Variants in ERC1 observed in about 807,000 individuals in gnomAD.
ERC1 encodes the protein ELKS/RAB6-interacting/CAST family member 1.
A neutral mutation model predicts 132.0 loss-of-function variants in ERC1; 56 were observed. The observed-to-expected ratio is 0.42, with a 90% CI of 0.34 to 0.53. ERC1 has a LOEUF of 0.53. ERC1 is among the 20% of genes least tolerant of loss of function. The probability of loss-of-function intolerance (pLI) is 0.03; values close to 1 mark genes in which losing one functional copy is unlikely to be tolerated. For synonymous variants in ERC1, 478 were observed against 476.1 expected (o/e 1.00, Z -0.05); for missense variants, 1,202 against 1,349.9 (o/e 0.89, Z 1.72).
chr12:1,368,388 CT>C (rs2086863058), intron 15 of ERC1, among the ~76,000 whole-genome samples: 1 of 152,036 alleles, frequency 6.6e-6, no homozygotes, highest in East Asian at 1.9e-4. Flanking sequence ...TCAGAAAATA[CT>C]TTTTTTCAAA....
intron 7 of ERC1, among the ~76,000 whole-genome samples, chr12:1,129,225 T>G (rs2154237537): frequency 6.6e-6 from 1 of 152,192 alleles, no homozygotes; most frequent in East Asian, 1.9e-4. Context: ...ACGCCTGTAA[T>G]CCTAGTGGAG....
intron 3 of ERC1, among the ~76,000 whole-genome samples, chr12:1,096,572 A>G (rs1944068231): frequency 6.6e-6 from 1 of 152,210 alleles, no homozygotes; most frequent in Non-Finnish European, 1.5e-5. Flanking sequence ...TTCAACATGG[A>G]CAAACTAGGC....
chr12:1,191,188 G>A (rs1169181724), intron 12 of ERC1, among the ~76,000 whole-genome samples: 1 of 152,006 alleles, frequency 6.6e-6, no homozygotes, highest in African/African-American at 2.4e-5. Flanking sequence ...TTCTGAATAA[G>A]ATATATGGAT....
chr12:1,159,572 T>A (rs1188410090), intron 8 of ERC1, among the ~76,000 whole-genome samples: 2 of 152,190 alleles, frequency 1.3e-5, no homozygotes, highest in Admixed American at 6.5e-5. Flanking sequence ...AGTGAATAAG[T>A]CAGATCTTTT....
At chr12:1,261,914 T>C (rs989396497) in intron 13 of ERC1, among the ~76,000 whole-genome samples, 1 of 152,198 alleles carries the variant, frequency 6.6e-6, no homozygotes, top group African/African-American at 2.4e-5. Flanking sequence ...TTAAGAAGAA[T>C]GTTAAATAAT....
intron 7 of ERC1, among the ~76,000 whole-genome samples, chr12:1,124,379 C>G (rs969893851): frequency 6.6e-6 from 1 of 152,034 alleles, no homozygotes; most frequent in Non-Finnish European, 1.5e-5. Flanking sequence ...AGTATATAAT[C>G]TTGAAACATA....
intron 16 of ERC1, among the ~76,000 whole-genome samples, chr12:1,374,670 G>C (rs1443605032): frequency 6.6e-6 from 1 of 152,142 alleles, no homozygotes; most frequent in African/African-American, 2.4e-5. Flanking sequence ...GTTGTCACAA[G>C]ATGGCCTTTC....
intron 2 of ERC1, among the ~76,000 whole-genome samples, chr12:1,070,245 T>C (rs36054627): frequency 6.6e-6 from 1 of 151,988 alleles, no homozygotes; most frequent in Non-Finnish European, 1.5e-5. Flanking sequence ...GAACTGGAAG[T>C]GTTCTTTAAA....
chr12:1,421,616 C>T (rs2092431961), intron 17 of ERC1, among the ~76,000 whole-genome samples: 1 of 152,202 alleles, frequency 6.6e-6, no homozygotes, highest in South Asian at 2.1e-4. Flanking sequence ...AAAGACCAAT[C>T]TTAGGTTTTA....
chr12:1,255,609 TTGCTTCC>T (rs1325806299), intron 13 of ERC1, among the ~76,000 whole-genome samples: 1 of 148,832 alleles, frequency 6.7e-6, no homozygotes, highest in Non-Finnish European at 1.5e-5. Context: ...TCAGCATCTG[TTGCTTCC>T]TGGCCTTTTT....
chr12:1,487,372 A>ATTT (rs574707385), intron 18 of ERC1, among the ~76,000 whole-genome samples: 10 of 57,924 alleles, frequency 1.7e-4, no homozygotes, highest in Admixed American at 6.7e-4. Context: ...AAGCATCTAG[A>ATTT]TTTTTTTTTT....
At chr12:1,394,039 A>AAT (rs1566757860) in intron 16 of ERC1, among the ~76,000 whole-genome samples, 1 of 81,440 alleles carries the variant, frequency 1.2e-5, no homozygotes, top group African/African-American at 4.5e-5. Flanking sequence ...AAAAACAAAA[A>AAT]AAAAACCACA....
At chr12:1,259,714 G>A (rs1013421545) in intron 13 of ERC1, among the ~76,000 whole-genome samples, 1 of 151,768 alleles carries the variant, frequency 6.6e-6, no homozygotes, top group Non-Finnish European at 1.5e-5. Context: ...CAGTAGAGAC[G>A]GGGTTTCACC....
At chr12:1,148,709 C>A (rs1260179428) in intron 8 of ERC1, among the ~76,000 whole-genome samples, 1 of 152,174 alleles carries the variant, frequency 6.6e-6, no homozygotes, top group African/African-American at 2.4e-5. Flanking sequence ...TCAAGTGATT[C>A]TCCTGCCTCA....
chr12:1,255,617 T>C (rs2076748622), intron 13 of ERC1, among the ~76,000 whole-genome samples: 1 of 140,814 alleles, frequency 7.1e-6, no homozygotes, highest in East Asian at 2.2e-4. Flanking sequence ...TGTTGCTTCC[T>C]GGCCTTTTTT....
chr12:1,181,503 A>T (rs547537315), intron 9 of ERC1, among the ~76,000 whole-genome samples: 7 of 152,312 alleles, frequency 4.6e-5, no homozygotes, highest in East Asian at 3.9e-4. Context: ...TGAATTATTT[A>T]AAAAATGTAT....
intron 6 of ERC1, among the ~76,000 whole-genome samples, chr12:1,113,308 T>G (rs1946092397): frequency 6.6e-6 from 1 of 152,204 alleles, no homozygotes; most frequent in African/African-American, 2.4e-5. Context: ...AAACATTTTA[T>G]AACGTGCTGA....
intron 10 of ERC1, among the ~76,000 whole-genome samples, chr12:1,182,954 C>T (rs181729600): frequency 3.2e-4 from 48 of 152,168 alleles, no homozygotes; most frequent in African/African-American, 9.6e-4. Context: ...GGTATCTGGC[C>T]GAAAAATGTT....
chr12:1,182,204 C>T (rs1205610479), intron 10 of ERC1, 139 bp downstream of exon 10: 3 of 722,698 alleles, frequency 4.2e-6, no homozygotes, highest in African/African-American at 1.8e-5. Context: ...TTGTTGAATA[C>T]CTTAAGGAAT....
Sources: gnomAD v4.1 joint callset for allele counts (sites outside exome capture counted in the v4.1 genomes callset) on GRCh38, gnomAD v4.1.1 for gene constraint, MANE v1.5 for transcripts, NCBI Gene and HGNC (gene_info 2026-07-23, HGNC 2026-07-21) for gene names.